The following CSMD1 variants were observed in gnomAD, a reference collection of about 807,000 sequenced individuals.
CSMD1 encodes the protein CUB and sushi domain-containing protein 1.
Under a neutral mutation model 417.5 loss-of-function variants are expected in CSMD1, and 213 were observed. The ratio of observed to expected loss-of-function variants is 0.51; its 90% CI spans 0.46 to 0.57. The LOEUF (loss-of-function observed/expected upper bound fraction) is 0.57. Among genes scored for constraint, CSMD1 ranks in the 20% least tolerant of loss-of-function variants. CSMD1 has a pLI of 0.00. For synonymous variants in CSMD1, 2,862 were observed against 1,736.8 expected, an observed-to-expected ratio of 1.65 and a Z score of -16.11; for missense variants, 6,923 against 4,529.7, an observed-to-expected ratio of 1.53 and a Z score of -15.17.
At chr8:3,219,704 A>G (rs753311722) in intron 28 of CSMD1, among the ~76,000 whole-genome samples, 1 of 152,192 alleles carries the variant, frequency 6.6e-6, no homozygotes, top group Non-Finnish European at 1.5e-5. Flanking sequence ...CCAAAAGGAA[A>G]TAAGTCATAA....
At chr8:3,324,539 C>G (rs1437731862) in intron 23 of CSMD1, among the ~76,000 whole-genome samples, 5 of 151,342 alleles carry the variant, frequency 3.3e-5, no homozygotes, top group African/African-American at 1.2e-4. Flanking sequence ...TTCTTCCCCC[C>G]ACCATTCGTC....
intron 48 of CSMD1, among the ~76,000 whole-genome samples, chr8:3,089,012 C>G (rs1814736607): frequency 6.6e-6 from 1 of 152,296 alleles, no homozygotes; most frequent in Non-Finnish European, 1.5e-5. Flanking sequence ...TGTTTCTTCT[C>G]TCACCAGCCC....
intron 5 of CSMD1, among the ~76,000 whole-genome samples, chr8:3,755,005 A>C (rs952383465): frequency 6.6e-6 from 1 of 152,234 alleles, no homozygotes; most frequent in African/African-American, 2.4e-5. Context: ...ATTTCTGGTT[A>C]AGCTGTTTAA....
intron 3 of CSMD1, among the ~76,000 whole-genome samples, chr8:4,316,686 G>C (rs1798955661): frequency 6.6e-6 from 1 of 151,938 alleles, no homozygotes; most frequent in South Asian, 2.1e-4. Context: ...AACTAAGGGG[G>C]GGGCTTCCTT....
At position 3,387,650 on chromosome 8, in the gene CSMD1, G is replaced by A. The variant is rs1811092180; in HGVS notation, c.2626C>T (p.Pro876Ser). 6.3e-7 allele frequency: 1 copy of A among 1,599,716 alleles called. No homozygotes were observed. The highest frequency in any genetic ancestry group is 8.5e-7 in the Non-Finnish European group (1 of 1,172,992). The change falls in exon 18 of 70, where the codon CCG becomes TCG. Residue 876 changes from proline to serine, a missense_variant. Transcript: ENST00000635120. ...CGATGGCCGTTCACAGGGATGCCCG[G>A]GTCCAGGCAGGAATCCGACTCAAGC... ...VTLESDSCLD[P>S]GIPVNGHRHG... is the part of the protein sequence containing the mutation.
intron 3 of CSMD1, among the ~76,000 whole-genome samples, chr8:4,108,561 C>T (rs915128175): frequency 8.5e-5 from 13 of 152,184 alleles, no homozygotes; most frequent in African/African-American, 3.1e-4. Context: ...AAATCACCAT[C>T]CACTGATATG....
At chr8:4,213,169 G>C (rs569837592) in intron 3 of CSMD1, among the ~76,000 whole-genome samples, 2 of 152,224 alleles carry the variant, frequency 1.3e-5, no homozygotes, top group Middle Eastern at 3.4e-3. Context: ...AAACCAAATG[G>C]GGAGAGACAT....
intron 2 of CSMD1, among the ~76,000 whole-genome samples, chr8:4,627,786 T>C (rs890325119): frequency 1.3e-5 from 2 of 152,060 alleles, no homozygotes; most frequent in South Asian, 2.1e-4. Flanking sequence ...AGAAAAATAA[T>C]GTAGGCAGAC....
rs755533871 is a variant in CSMD1 at position 3,367,033 on chromosome 8, T to A, written c.3114A>T (p.Ser1038=). 1.9e-6 allele frequency: 3 copies of A among 1,611,372 alleles called. No individual in the cohort carries two copies. Among genetic ancestry groups the A allele is most frequent in the Non-Finnish European group, 2.5e-6 (3 of 1,178,040 alleles). The part of the protein sequence containing the change: ...ISYEGFNITF[S]EYDLEPCDDP... The stretch of plus-strand genomic sequence containing the variant: ...AAACAGCAAACAAGACCAACATACC[T>A]GAAAATGTGATATTGAAGCCCTCGT... The change falls in exon 20 of 70, where the codon TCA becomes TCT. Residue 1038 remains serine, a splice_region_variant and synonymous_variant. Coordinates refer to ENST00000635120, the MANE Select transcript of CSMD1 (RefSeq NM_033225.6).
intron 26 of CSMD1, among the ~76,000 whole-genome samples, chr8:3,241,226 A>G (rs1346309710): frequency 6.6e-6 from 1 of 151,152 alleles, no homozygotes. Flanking sequence ...ACTAAAAAGG[A>G]GTGCTTAAAA....
At chr8:4,471,387 A>G (rs895885407) in intron 2 of CSMD1, among the ~76,000 whole-genome samples, 19 of 152,174 alleles carry the variant, frequency 1.2e-4, no homozygotes, top group African/African-American at 3.9e-4. Flanking sequence ...CTAATTTACT[A>G]TTTTGACAAG....
chr8:4,267,491 C>A (rs982816067), intron 3 of CSMD1, among the ~76,000 whole-genome samples: 1 of 151,408 alleles, frequency 6.6e-6, no homozygotes, highest in Non-Finnish European at 1.5e-5. Context: ...ATATTAAAGT[C>A]TTCATATCTA....
At chr8:3,960,099 G>A (rs1013417690) in intron 5 of CSMD1, among the ~76,000 whole-genome samples, 1 of 152,198 alleles carries the variant, frequency 6.6e-6, no homozygotes, top group African/African-American at 2.4e-5. Context: ...CTGGAGCTAA[G>A]TGGAAACACA....
chr8:3,245,775 G>A (rs1346780554), intron 26 of CSMD1, among the ~76,000 whole-genome samples: 2 of 152,128 alleles, frequency 1.3e-5, no homozygotes, highest in African/African-American at 2.4e-5. Context: ...TGTTGACCAA[G>A]GGTTGTGTTA....
At chr8:4,869,693 T>G (rs746716562) in intron 1 of CSMD1, among the ~76,000 whole-genome samples, 1 of 152,188 alleles carries the variant, frequency 6.6e-6, no homozygotes, top group Non-Finnish European at 1.5e-5. Context: ...CTCTGATTAT[T>G]AATCTTGAAA....
intron 5 of CSMD1, among the ~76,000 whole-genome samples, chr8:3,920,644 T>C (rs563765872): frequency 6.6e-6 from 1 of 152,288 alleles, no homozygotes; most frequent in South Asian, 2.1e-4. Context: ...TGTTGAAGTA[T>C]ATTCCTTCAA....
intron 1 of CSMD1, among the ~76,000 whole-genome samples, chr8:4,748,989 A>T (rs1811135528): frequency 6.6e-6 from 1 of 152,218 alleles, no homozygotes; most frequent in African/African-American, 2.4e-5. Context: ...TACTGGCATT[A>T]ATTAATATTT....
At chr8:4,139,941 G>A (rs966878619) in intron 3 of CSMD1, among the ~76,000 whole-genome samples, 13 of 149,080 alleles carry the variant, frequency 8.7e-5, no homozygotes, top group Non-Finnish European at 1.5e-4. Context: ...AGGAAGTGTG[G>A]ATGGCAGCAA....
At chr8:4,440,776 A>C (rs1477919115) in intron 2 of CSMD1, among the ~76,000 whole-genome samples, 1 of 152,066 alleles carries the variant, frequency 6.6e-6, no homozygotes, top group Non-Finnish European at 1.5e-5. Flanking sequence ...CGAGCAGATC[A>C]CCTGAGGTCA....
Sources: allele counts gnomAD v4.1 joint callset (sites outside exome capture counted in the v4.1 genomes callset), GRCh38; gene constraint gnomAD v4.1.1; transcripts MANE v1.5; gene names NCBI Gene and HGNC (gene_info 2026-07-23, HGNC 2026-07-21).